Variants in HEMK2 observed in about 807,000 individuals in gnomAD.
HEMK2 encodes the protein HemK methyltransferase 2, ETF1 glutamine and histone H4 lysine.
At chr21:28,775,628 CT>C in the HEMK2 span, among the ~76,000 whole-genome samples, 5 of 152,152 alleles carry the variant, frequency 3.3e-5, no homozygotes, top group South Asian at 6.2e-4. Context: ...AAAAATAATG[CT>C]TTTTTTCCCC....
the HEMK2 span, among the ~76,000 whole-genome samples, chr21:28,792,568 G>A: frequency 0.077 from 11,769 of 152,236 alleles, 496 homozygotes; most frequent in Middle Eastern, 0.11. Flanking sequence ...GTCTATCTCA[G>A]ATGATGTCTT....
the HEMK2 span, among the ~76,000 whole-genome samples, chr21:28,854,672 G>A: frequency 6.6e-6 from 1 of 152,312 alleles, no homozygotes; most frequent in East Asian, 1.9e-4. Context: ...AGGGCAGGAA[G>A]CATCCAGCAC....
At chr21:28,876,317 G>T in the HEMK2 span, 1 of 1,081,030 alleles carries the variant, frequency 9.3e-7, no homozygotes, top group Non-Finnish European at 1.3e-6. Context: ...GTTACCTAAT[G>T]AATGACTTCA....
chr21:28,688,769 G>T, the HEMK2 span, among the ~76,000 whole-genome samples: 1 of 151,978 alleles, frequency 6.6e-6, no homozygotes, highest in African/African-American at 2.4e-5. Flanking sequence ...TCTCCATTTT[G>T]TTTACTTTTA....
At chr21:28,877,005 GAGGAAGGAAGGA>G in the HEMK2 span, among the ~76,000 whole-genome samples, 2 of 34,526 alleles carry the variant, frequency 5.8e-5, no homozygotes, top group African/African-American at 2.1e-4. Flanking sequence ...GGGAGGGAGG[GAGGAAGGAAGGA>G]AGGAAGGAAG....
the HEMK2 span, among the ~76,000 whole-genome samples, chr21:28,627,134 A>G: frequency 4.6e-5 from 7 of 152,206 alleles, no homozygotes; most frequent in African/African-American, 1.7e-4. Context: ...GAAGCCAACC[A>G]CAAAAGAACA....
the HEMK2 span, among the ~76,000 whole-genome samples, chr21:28,863,413 TATATA>T: frequency 5.0e-3 from 121 of 24,132 alleles, 17 homozygotes; most frequent in Admixed American, 9.3e-3. Flanking sequence ...CTCCCTTTTA[TATATA>T]TATATATATA....
the HEMK2 span, among the ~76,000 whole-genome samples, chr21:28,674,369 T>C: frequency 6.6e-6 from 1 of 152,202 alleles, no homozygotes; most frequent in Non-Finnish European, 1.5e-5. Context: ...TTGCTTTCAC[T>C]TTATAGACTT....
chr21:28,580,575 A>T, the HEMK2 span, among the ~76,000 whole-genome samples: 2 of 151,856 alleles, frequency 1.3e-5, no homozygotes, highest in Non-Finnish European at 2.9e-5. Flanking sequence ...ACTTAAAAAA[A>T]AAAAGACGAC....
chr21:28,831,487 G>GAAAAGA, the HEMK2 span, among the ~76,000 whole-genome samples: 6 of 59,722 alleles, frequency 1.0e-4, no homozygotes, highest in African/African-American at 4.2e-4. Flanking sequence ...AAGAAAGAAA[G>GAAAAGA]AAAGAAAGAA....
chr21:28,874,642 A>C, the HEMK2 span: 2 of 152,250 alleles, frequency 1.3e-5, no homozygotes, highest in Admixed American at 6.5e-5. Flanking sequence ...TCCACAGAAC[A>C]GGTTATCTTG....
chr21:28,637,488 G>A, the HEMK2 span, among the ~76,000 whole-genome samples: 22 of 151,898 alleles, frequency 1.4e-4, no homozygotes, highest in South Asian at 6.3e-4. Context: ...CCCATGTGTT[G>A]CTCTCAACAG....
the HEMK2 span, among the ~76,000 whole-genome samples, chr21:28,847,759 C>G: frequency 6.6e-6 from 1 of 152,132 alleles, no homozygotes; most frequent in Admixed American, 6.5e-5. Flanking sequence ...TTAGGTTTTA[C>G]ATTTAAGTCT....
the HEMK2 span, among the ~76,000 whole-genome samples, chr21:28,682,294 T>C: frequency 5.9e-5 from 9 of 152,182 alleles, no homozygotes; most frequent in African/African-American, 2.2e-4. Flanking sequence ...AAAAGACACA[T>C]GAAAAAATGC....
the HEMK2 span, among the ~76,000 whole-genome samples, chr21:28,715,055 G>A: frequency 0.014 from 2,088 of 152,264 alleles, 24 homozygotes; most frequent in Middle Eastern, 0.024. Flanking sequence ...AGGGCACCTA[G>A]GTTGAATCAA....
chr21:28,871,272 G>A, the HEMK2 span, among the ~76,000 whole-genome samples: 3 of 152,188 alleles, frequency 2.0e-5, no homozygotes, highest in Admixed American at 2.0e-4. Context: ...CGTACAGGAA[G>A]CATGGCTGGG....
the HEMK2 span, among the ~76,000 whole-genome samples, chr21:28,826,061 G>A: frequency 1.3e-5 from 2 of 152,188 alleles, no homozygotes; most frequent in East Asian, 3.8e-4. Context: ...ATGCTGAAAT[G>A]CATTTGCTTT....
the HEMK2 span, among the ~76,000 whole-genome samples, chr21:28,657,599 C>A: frequency 6.6e-6 from 1 of 152,002 alleles, no homozygotes; most frequent in African/African-American, 2.4e-5. Flanking sequence ...AACAAAAAAA[C>A]CTCTGGAAGT....
the HEMK2 span, among the ~76,000 whole-genome samples, chr21:28,861,384 G>A: frequency 1.3e-5 from 2 of 152,170 alleles, no homozygotes; most frequent in African/African-American, 2.4e-5. Context: ...GAAATTGATA[G>A]GAAGCCTACT....
Sources: gnomAD v4.1 joint callset for allele counts (sites outside exome capture counted in the v4.1 genomes callset) on GRCh38, gnomAD v4.1.1 for gene constraint, MANE v1.5 for transcripts, NCBI Gene and HGNC (gene_info 2026-07-23, HGNC 2026-07-21) for gene names.